The following EPHA6 variants were observed in gnomAD, a reference collection of about 807,000 sequenced individuals.
EPHA6 encodes EPH receptor A6.
Under a neutral mutation model 112.0 loss-of-function variants are expected in EPHA6, and 50 were observed. The ratio of observed to expected loss-of-function variants is 0.45; its 90% CI spans 0.36 to 0.56. The LOEUF (loss-of-function observed/expected upper bound fraction) is 0.56, where lower values mean the gene tolerates loss of function less well. Ranked by LOEUF, EPHA6 falls within the 20% of genes least tolerant of loss-of-function variation. The pLI is 0.00. For missense variants in EPHA6, 1,280 were observed against 1,417.4 expected (o/e 0.90, Z 1.56); for synonymous variants, 529 against 490.7 (o/e 1.08, Z -1.03).
intron 2 of EPHA6, among the ~76,000 whole-genome samples, chr3:96,925,374 G>T (rs1176215882): frequency 6.6e-6 from 1 of 152,048 alleles, no homozygotes; most frequent in Admixed American, 6.6e-5. Context: ...TCAGTCTTGG[G>T]ACAGTGTATG....
intron 3 of EPHA6, among the ~76,000 whole-genome samples, chr3:97,015,921 T>C (rs1023496773): frequency 2.0e-5 from 3 of 152,026 alleles, no homozygotes; most frequent in South Asian, 4.1e-4. Context: ...TTAAGGAAAA[T>C]CAGTGTTTTT....
intron 2 of EPHA6, among the ~76,000 whole-genome samples, chr3:96,913,589 A>C (rs552034663): frequency 6.6e-6 from 1 of 152,270 alleles, no homozygotes; most frequent in Non-Finnish European, 1.5e-5. Flanking sequence ...ATTTTTAATT[A>C]CAATGAAATA....
chr3:97,693,454 T>C (rs2032804785), intron 14 of EPHA6, among the ~76,000 whole-genome samples: 1 of 152,242 alleles, frequency 6.6e-6, no homozygotes, highest in South Asian at 2.1e-4. Flanking sequence ...GATGATTTCA[T>C]GAATGTAATT....
At chr3:97,375,409 T>G (rs1378886584) in intron 5 of EPHA6, among the ~76,000 whole-genome samples, 1 of 152,178 alleles carries the variant, frequency 6.6e-6, no homozygotes, top group Non-Finnish European at 1.5e-5. Context: ...CCACATTCTC[T>G]TCTTACCAAG....
At chr3:97,581,472 C>T (rs1253805882) in intron 11 of EPHA6, among the ~76,000 whole-genome samples, 2 of 152,160 alleles carry the variant, frequency 1.3e-5, no homozygotes, top group South Asian at 2.1e-4. Context: ...AAATGAGAAG[C>T]TTCTTCAAAT....
chr3:97,187,697 G>T (rs2077183773), intron 3 of EPHA6, among the ~76,000 whole-genome samples: 1 of 105,948 alleles, frequency 9.4e-6, no homozygotes, highest in African/African-American at 3.8e-5. Context: ...AGGAAAGAAA[G>T]AAAGAAAGAA....
chr3:97,265,839 G>T (rs1267170990), intron 5 of EPHA6, among the ~76,000 whole-genome samples: 1 of 152,236 alleles, frequency 6.6e-6, no homozygotes, highest in African/African-American at 2.4e-5. Flanking sequence ...ATGGCCCACT[G>T]CTGCTATCGG....
At chr3:96,845,689 A>G (rs1235682511) in intron 1 of EPHA6, among the ~76,000 whole-genome samples, 1 of 152,014 alleles carries the variant, frequency 6.6e-6, no homozygotes, top group African/African-American at 2.4e-5. Flanking sequence ...TTGATTGCTG[A>G]AAGAGGGGAA....
At chr3:97,464,735 T>C (rs1447973271) in intron 7 of EPHA6, among the ~76,000 whole-genome samples, 1 of 152,042 alleles carries the variant, frequency 6.6e-6, no homozygotes, top group Non-Finnish European at 1.5e-5. Context: ...AATGCTCCCA[T>C]GGAAAAAGTT....
Position 96,936,425 on chromosome 3 carries a change from TAATG to T in EPHA6, c.451-50903_451-50900del, listed in dbSNP as rs1233009874. On this transcript the variant is annotated intron_variant, in intron 2 of 17. Transcript: ENST00000389672. ...AAATCAAGCTGTTATGAATCCATTATAATGATAGAGTATGAAGTTAAATTATAAA... is the reference window on the plus strand; with the variant it reads ...AAATCAAGCTGTTATGAATCCATTATATAGAGTATGAAGTTAAATTATAAA... Among the ~76,000 whole-genome samples the T allele has an allele frequency of 3.3e-5, 5 of 152,142 alleles. No individual in the cohort carries two copies. In the East Asian group the frequency reaches 7.7e-4, roughly 23 times the overall value.
rs766780669 is a variant in EPHA6 at position 97,759,765 on chromosome 3, G to A, written c.*11064G>A. On this transcript the variant is annotated 3_prime_UTR_variant, in exon 18 of 18. Coordinates refer to ENST00000389672, the MANE Select transcript of EPHA6 (RefSeq NM_001080448.3). ...AGCCAATATGCAGGATGGGAAGGACGTATAGGTTGGAAGAGACATATGTAA... is the reference window on the plus strand; with the variant it reads ...AGCCAATATGCAGGATGGGAAGGACATATAGGTTGGAAGAGACATATGTAA... The A allele has an allele frequency of 2.2e-5, 5 of 225,596 alleles. No individual in the cohort carries two copies. Among genetic ancestry groups the A allele is most frequent in the East Asian group, 1.3e-4 (2 of 15,700 alleles). The allele number at this position is 225,596 out of a possible 1,614,324, so 14.0% of individuals were successfully genotyped here. A position where few individuals can be genotyped will look rare whatever the true frequency, so the allele number is the denominator to read the frequency against.
intron 3 of EPHA6, among the ~76,000 whole-genome samples, chr3:97,106,272 T>C (rs1002415110): frequency 2.0e-5 from 3 of 152,124 alleles, no homozygotes; most frequent in African/African-American, 7.2e-5. Context: ...CCAGTGATAC[T>C]GAGGAAACTC....
At chr3:97,548,334 T>C (rs1043568837) in intron 11 of EPHA6, among the ~76,000 whole-genome samples, 2 of 152,218 alleles carry the variant, frequency 1.3e-5, no homozygotes, top group African/African-American at 4.8e-5. Flanking sequence ...ACATGCTTTA[T>C]TCGTGAGGAT....
intron 2 of EPHA6, among the ~76,000 whole-genome samples, chr3:96,935,756 T>C (rs2107668879): frequency 6.8e-6 from 1 of 147,400 alleles, no homozygotes; most frequent in Admixed American, 6.9e-5. Flanking sequence ...GCACACATTA[T>C]ATATATGTGT....
At position 96,987,518 on chromosome 3, in the gene EPHA6, G is replaced by A; in HGVS notation, c.639G>A (p.Gly213=). ...RDCNSIPWVL[G]TCKETFNLFY... is the part of the protein sequence containing the mutation. Reference sequence around the variant, plus strand: ...GTAACAGCATCCCATGGGTCTTGGGGACTTGCAAAGAAACATTTAATCTGT... The same window carrying A: ...GTAACAGCATCCCATGGGTCTTGGGAACTTGCAAAGAAACATTTAATCTGT... The change falls in exon 3 of 18, where the codon GGG becomes GGA. Residue 213 remains glycine (G), a synonymous_variant. Transcript: ENST00000389672. 2 of 1,613,920 alleles carry A rather than the reference G, an allele frequency of 1.2e-6. No individual in the cohort carries two copies. The highest frequency in any genetic ancestry group is 1.7e-6 in the Non-Finnish European group (2 of 1,179,858).
chr3:97,665,887 C>A (rs540757918), intron 14 of EPHA6, among the ~76,000 whole-genome samples: 1 of 152,248 alleles, frequency 6.6e-6, no homozygotes, highest in Non-Finnish European at 1.5e-5. Flanking sequence ...GAAACCCCAT[C>A]TCTAAGAAAA....
At chr3:97,313,597 T>C (rs553103320) in intron 5 of EPHA6, among the ~76,000 whole-genome samples, 36 of 151,822 alleles carry the variant, frequency 2.4e-4, no homozygotes, top group South Asian at 6.2e-4. Flanking sequence ...TGAGGTGATA[T>C]CTCTTTGTGA....
intron 3 of EPHA6, among the ~76,000 whole-genome samples, chr3:96,988,424 CA>C (rs1404870442): frequency 1.8e-4 from 27 of 152,194 alleles, no homozygotes; most frequent in African/African-American, 6.3e-4. Flanking sequence ...ACAACAGCAA[CA>C]AAAAGCAATG....
chr3:97,363,605 A>T (rs1490112811), intron 5 of EPHA6, among the ~76,000 whole-genome samples: 1 of 152,032 alleles, frequency 6.6e-6, no homozygotes, highest in East Asian at 1.9e-4. Flanking sequence ...CAACTCTTCA[A>T]AACATTAAAA....
Sources: gnomAD v4.1 joint callset for allele counts (sites outside exome capture counted in the v4.1 genomes callset) on GRCh38, gnomAD v4.1.1 for gene constraint, MANE v1.5 for transcripts, NCBI Gene and HGNC (gene_info 2026-07-23, HGNC 2026-07-21) for gene names.